The following ZC3H7B variants were observed in gnomAD, a reference collection of about 807,000 sequenced individuals.
ZC3H7B encodes the protein zinc finger CCCH domain-containing protein 7B.
In ZC3H7B, 35 loss-of-function variants were observed where a neutral mutation model predicts 116.0. The observed-to-expected ratio is 0.30, with a 90% CI of 0.23 to 0.40. ZC3H7B has a LOEUF of 0.40. Ranked by LOEUF, ZC3H7B falls within the 10% of genes least tolerant of loss-of-function variation. The pLI is 1.00. For missense variants in ZC3H7B, 1,011 were observed against 1,321.5 expected (o/e 0.77, Z 3.64); for synonymous variants, 502 against 545.6 (o/e 0.92, Z 1.11).
rs186069589 is a variant in ZC3H7B, at chr22:41,306,522, C to T, written c.-7+4750C>T. Among the ~76,000 whole-genome samples, 813 of 151,984 alleles carry T rather than the reference C, an allele frequency of 5.3e-3. 5 individuals are homozygous for T. The highest frequency in any genetic ancestry group is 6.4e-3 in the Non-Finnish European group (436 of 67,954). ...TCAAGTAGCTGGGATTACAGGTGTC[C>T]GCCACCACACCTAATTTTTGTATTT... is the stretch of plus-strand genomic sequence containing the variant. On this transcript the variant is annotated intron_variant, in intron 1 of 22. Transcript: ENST00000352645.
intron 17 of ZC3H7B, among the ~76,000 whole-genome samples, chr22:41,354,249 T>C (rs575305831): frequency 2.4e-4 from 36 of 152,296 alleles, no homozygotes; most frequent in African/African-American, 8.7e-4. Context: ...TCACGCTTCT[T>C]GTGAGAATGG....
intron 1 of ZC3H7B, among the ~76,000 whole-genome samples, chr22:41,304,065 A>AT (rs2036009024): frequency 7.1e-6 from 1 of 139,912 alleles, no homozygotes; most frequent in East Asian, 2.3e-4. Flanking sequence ...CCTTCTTTTT[A>AT]TTTTTTGAGA....
intron 1 of ZC3H7B, among the ~76,000 whole-genome samples, chr22:41,304,735 G>A (rs1268150130): frequency 6.6e-6 from 1 of 152,210 alleles, no homozygotes; most frequent in Non-Finnish European, 1.5e-5. Flanking sequence ...GTGCTGGGAA[G>A]TTGACTTACA....
intron 1 of ZC3H7B, among the ~76,000 whole-genome samples, chr22:41,320,290 G>A (rs952234771): frequency 6.0e-5 from 9 of 150,264 alleles, no homozygotes; most frequent in African/African-American, 1.7e-4. Context: ...CCGAGATGGC[G>A]CCATTGCACT....
chr22:41,320,562 G>A, intron 1 of ZC3H7B, 93 bp from the exon 2 acceptor site: 1 of 1,408,974 alleles, frequency 7.1e-7, no homozygotes, highest in South Asian at 1.2e-5. Context: ...GAGTGGGAGT[G>A]AGAGCACCCA....
Position 41,357,405 on chromosome 22 carries a change from T to C in ZC3H7B, c.2910T>C (p.Ala970=), listed in dbSNP as rs1178071229. ...CCACCCCAGAAGCCCCTGCTGCTGC[T>C]GCCACCGCCACCACTGGGGAGTAGG... ...AGATPEAPAA[A]ATATTGE Residue 970 remains alanine, a synonymous_variant, in exon 23 of 23, where the codon GCT becomes GCC. Coordinates refer to ENST00000352645, the MANE Select transcript of ZC3H7B (RefSeq NM_017590.6). The surrounding 1 kb of genome is among the most constrained non-coding windows in gnomAD (Gnocchi z 5.4). 1.3e-6 allele frequency: 2 copies of C among 1,593,840 alleles called. No homozygotes were observed. The highest frequency in any genetic ancestry group is 1.3e-5 in the African/African-American group (1 of 74,132).
chr22:41,357,082 C>T lies in ZC3H7B; in HGVS notation c.2682-95C>T. ...TGGGACCCAGCTGCCCAGGGAGAGG[C>T]TTGTCTTCGGGGAGGTCAAGCGGCC... On this transcript the variant is annotated intron_variant, in intron 22 of 22. Coordinates refer to ENST00000352645, the MANE Select transcript of ZC3H7B (RefSeq NM_017590.6). The surrounding 1 kb of genome is among the most constrained non-coding windows in gnomAD (Gnocchi z 5.4). 6.5e-7 allele frequency: 1 copy of T among 1,541,770 alleles called. No individual in the cohort carries two copies. Among genetic ancestry groups the T allele is most frequent in the South Asian group, 1.2e-5 (1 of 81,462 alleles).
At position 41,357,468 on chromosome 22, in the gene ZC3H7B, G is replaced by T; in HGVS notation, c.*39G>T. ...CCGTGGGTGAAGTCCTGGGGTCAGGGGGTGGGGTGGGGCCAGAAGGCCTGA... is the reference window on the plus strand; with the variant it reads ...CCGTGGGTGAAGTCCTGGGGTCAGGTGGTGGGGTGGGGCCAGAAGGCCTGA... On this transcript the variant is annotated 3_prime_UTR_variant, in exon 23 of 23. Coordinates refer to ENST00000352645, the MANE Select transcript of ZC3H7B (RefSeq NM_017590.6). This position sits in a 1 kb window ranked among gnomAD's most constrained non-coding sequence, Gnocchi z 5.4. 2 of 1,599,726 alleles carry T rather than the reference G, an allele frequency of 1.3e-6. No homozygotes were observed. The highest frequency in any genetic ancestry group is 2.2e-5 in the East Asian group (1 of 44,736).
chr22:41,314,429 T>C (rs1301083961), intron 1 of ZC3H7B, among the ~76,000 whole-genome samples: 2 of 151,630 alleles, frequency 1.3e-5, no homozygotes, highest in Non-Finnish European at 2.9e-5. Flanking sequence ...AGTGCTGGGA[T>C]TACAGGTGTG....
chr22:41,339,973 T>C lies in ZC3H7B; in HGVS notation c.974T>C (p.Met325Thr). The C allele has an allele frequency of 1.9e-6, 3 of 1,612,120 alleles. No individual in the cohort carries two copies. The highest frequency in any genetic ancestry group is 2.5e-6 in the Non-Finnish European group (3 of 1,179,998). Residue 325 changes from methionine to threonine, a missense_variant, in exon 10 of 23, where the codon ATG becomes ACG. By Grantham distance (81) the Met-to-Thr change is moderately conservative. Coordinates refer to ENST00000352645, the MANE Select transcript of ZC3H7B (RefSeq NM_017590.6). Reference sequence around the variant, plus strand: ...CCCCCCGCCTCCTTCGGCTTGGTCATGGACCCCTCCAAGAAGCTGGCCGCC... The same window carrying C: ...CCCCCCGCCTCCTTCGGCTTGGTCACGGACCCCTCCAAGAAGCTGGCCGCC... ...PLPPASFGLV[M>T]DPSKKLAASV...
rs559207424 is a variant in ZC3H7B, at chr22:41,324,121, A to G, written c.54-1443A>G. Among the ~76,000 whole-genome samples the G allele has an allele frequency of 2.4e-4, 36 of 151,792 alleles. No individual in the cohort carries two copies. The South Asian group carries it at 7.3e-3, about 31-fold the overall frequency. On this transcript the variant is annotated intron_variant, in intron 2 of 22. Coordinates refer to ENST00000352645, the MANE Select transcript of ZC3H7B (RefSeq NM_017590.6). ...GCATGACCTATGAAAGGTAGAGTTG[A>G]TGCTGGAAGAGGGTAGGCTGGAGGC... is the stretch of plus-strand genomic sequence containing the variant.
chr22:41,309,990 G>GT (rs967336686), intron 1 of ZC3H7B, among the ~76,000 whole-genome samples: 2 of 151,980 alleles, frequency 1.3e-5, no homozygotes, highest in Admixed American at 1.3e-4. Flanking sequence ...CGGATCACAA[G>GT]TTCAGGAGAT....
At chr22:41,330,893 C>T (rs1275292708) in intron 6 of ZC3H7B, among the ~76,000 whole-genome samples, 1 of 143,240 alleles carries the variant, frequency 7.0e-6, no homozygotes, top group African/African-American at 2.6e-5. Context: ...CGGACTCTCG[C>T]TCTGTCACCC....
chr22:41,322,056 G>C (rs2036263958), intron 2 of ZC3H7B, among the ~76,000 whole-genome samples: 1 of 149,488 alleles, frequency 6.7e-6, no homozygotes, highest in South Asian at 2.1e-4. Context: ...AGCTGGGATG[G>C]TCTCGATCTC....
At chr22:41,339,652 A>C (rs963992607) in intron 9 of ZC3H7B, among the ~76,000 whole-genome samples, 164 bp from the exon 10 acceptor site, 7 of 151,092 alleles carry the variant, frequency 4.6e-5, no homozygotes, top group African/African-American at 1.7e-4. Flanking sequence ...ATGAAGCTGC[A>C]CAATGTCTGG....
chr22:41,312,915 A>G (rs563665033), intron 1 of ZC3H7B, among the ~76,000 whole-genome samples: 1 of 152,304 alleles, frequency 6.6e-6, no homozygotes, highest in African/African-American at 2.4e-5. Flanking sequence ...AATACATCCT[A>G]TGCAAATATA....
chr22:41,303,789 G>A (rs2036004715), intron 1 of ZC3H7B, among the ~76,000 whole-genome samples: 3 of 152,072 alleles, frequency 2.0e-5, no homozygotes, highest in South Asian at 2.1e-4. Flanking sequence ...ACGGAGTCTC[G>A]CTCTGTCGCC....
At chr22:41,329,386 G>A (rs534480756) in intron 5 of ZC3H7B, among the ~76,000 whole-genome samples, 12 of 151,324 alleles carry the variant, frequency 7.9e-5, no homozygotes, top group Middle Eastern at 3.4e-3. Flanking sequence ...AGCCTCCCAG[G>A]TAGCTGGGAT....
At position 41,346,382 on chromosome 22, in the gene ZC3H7B, T is replaced by C. The variant is rs1601791577; in HGVS notation, c.1665+174T>C. ...AGTAAGTCTGGGCCCTAGGATCCTA[T>C]CTTGCTAGAGGCCAGATCTGATCCA... On this transcript the variant is annotated intron_variant, in intron 14 of 22. Transcript: ENST00000352645. This position sits in a 1 kb window ranked among gnomAD's most constrained non-coding sequence, Gnocchi z 5.3. Among the ~76,000 whole-genome samples, 1 of 152,186 alleles carries C rather than the reference T, an allele frequency of 6.6e-6. No individual in the cohort carries two copies. The highest frequency in any genetic ancestry group is 1.9e-4 in the East Asian group (1 of 5,194).
Sources: gnomAD v4.1 joint callset for allele counts (sites outside exome capture counted in the v4.1 genomes callset) on GRCh38, gnomAD v4.1.1 for gene constraint, Gnocchi (gnomAD v3.1) non-coding constraint, MANE v1.5 for transcripts, NCBI Gene and HGNC (gene_info 2026-07-23, HGNC 2026-07-21) for gene names.